The following GK5 variants were observed in gnomAD, a reference collection of about 807,000 sequenced individuals.
GK5 encodes the protein ATP:glycerol 3-phosphotransferase 5.
Under a neutral mutation model 77.3 loss-of-function variants are expected in GK5, and 39 were observed. That is an observed-to-expected ratio of 0.50 (90% CI 0.39 to 0.66). The LOEUF (loss-of-function observed/expected upper bound fraction) is 0.66, where lower values mean the gene tolerates loss of function less well. Ranked by LOEUF, GK5 falls within the 30% of genes least tolerant of loss-of-function variation. GK5 has a pLI of 0.00. For synonymous variants in GK5, 211 were observed against 208.0 expected (o/e 1.01, Z -0.13); for missense variants, 487 against 633.8 (o/e 0.77, Z 2.49).
At chr3:142,185,198 G>A (rs2063752261) in intron 9 of GK5, 1 of 742,306 alleles carries the variant, frequency 1.3e-6, no homozygotes, top group East Asian at 1.3e-4. Context: ...GAAGGCCCCA[G>A]TCTAGGAGTT....
At chr3:142,195,619 T>C (rs552402231) in intron 5 of GK5, among the ~76,000 whole-genome samples, 2 of 152,370 alleles carry the variant, frequency 1.3e-5, no homozygotes, top group African/African-American at 4.8e-5. Context: ...CCCAAAGTGC[T>C]GGGATTACAG....
intron 2 of GK5, 61 bp downstream of exon 2, chr3:142,215,538 A>T: frequency 1.2e-6 from 1 of 836,916 alleles, no homozygotes; most frequent in Non-Finnish European, 1.9e-6. Context: ...CAGAAGCCTG[A>T]GGAAAACTAT....
chr3:142,205,589 C>T (rs1577141196), intron 3 of GK5, among the ~76,000 whole-genome samples: 1 of 152,192 alleles, frequency 6.6e-6, no homozygotes, highest in African/African-American at 2.4e-5. Flanking sequence ...TCCTTAAATA[C>T]CTGGCCTTCC....
chr3:142,172,746 TGAA>T (rs2063555240), intron 12 of GK5, among the ~76,000 whole-genome samples: 1 of 152,164 alleles, frequency 6.6e-6, no homozygotes, highest in Non-Finnish European at 1.5e-5. Flanking sequence ...ATGTGGAAAA[TGAA>T]GAGCAATCAC....
At chr3:142,204,839 G>GA in intron 3 of GK5, 51 bp from the exon 4 acceptor site, 3 of 1,011,040 alleles carry the variant, frequency 3.0e-6, no homozygotes. Flanking sequence ...CAGAGACTAT[G>GA]TTAAAGATGT....
intron 13 of GK5, 85 bp from the exon 14 acceptor site, chr3:142,171,563 T>A: frequency 6.5e-6 from 6 of 919,056 alleles, no homozygotes; most frequent in Non-Finnish European, 9.1e-6. Flanking sequence ...AAATACAAAC[T>A]ATAGTTTTAT....
chr3:142,170,356 C>G lies in GK5; in HGVS notation c.1410G>C (p.Leu470=). 1 of 1,614,082 alleles carries G rather than the reference C, an allele frequency of 6.2e-7. No individual in the cohort carries two copies. The highest frequency in any genetic ancestry group is 1.7e-5 in the Admixed American group (1 of 60,020). Residue 470 remains leucine (L), a synonymous_variant, in exon 15 of 16, where the codon CTG becomes CTC. Coordinates refer to ENST00000392993, the MANE Select transcript of GK5 (RefSeq NM_001039547.3). The stretch of plus-strand genomic sequence containing the variant: ...CAAGGCCAGCTAGAGAAGCTGCACC[C>G]AGGCATGACATGTCAATGTCGGCAG... ...DRPADIDMSC[L]GAASLAGLAV...
chr3:142,214,662 C>T (rs1165489758), intron 2 of GK5, among the ~76,000 whole-genome samples: 1 of 152,106 alleles, frequency 6.6e-6, no homozygotes, highest in African/African-American at 2.4e-5. Context: ...GAGCCTAAGC[C>T]GACTGACAGC....
intron 2 of GK5, 38 bp downstream of exon 2, chr3:142,215,561 A>C (rs555389255): frequency 3.5e-5 from 39 of 1,113,896 alleles, no homozygotes; most frequent in East Asian, 1.0e-4. Flanking sequence ...CAAAAAAAAA[A>C]CCATAAAGAT....
intron 10 of GK5, 46 bp from the exon 11 acceptor site, chr3:142,181,611 C>A: frequency 1.6e-6 from 2 of 1,260,206 alleles, no homozygotes; most frequent in African/African-American, 1.5e-5. Flanking sequence ...ATGCATAATT[C>A]ATTATAGAGA....
At chr3:142,172,227 G>C (rs2063548937) in intron 13 of GK5, 126 bp downstream of exon 13, 1 of 524,022 alleles carries the variant, frequency 1.9e-6, no homozygotes, top group South Asian at 4.0e-5. Context: ...ATAATATATA[G>C]TATCAAATAA....
At chr3:142,207,207 A>G (rs1434289447) in intron 3 of GK5, among the ~76,000 whole-genome samples, 1 of 152,142 alleles carries the variant, frequency 6.6e-6, no homozygotes, top group Non-Finnish European at 1.5e-5. Flanking sequence ...CCTTGTGGAG[A>G]GCCTATAAAC....
intron 1 of GK5, among the ~76,000 whole-genome samples, chr3:142,220,759 G>A (rs972346663): frequency 2.0e-5 from 3 of 152,146 alleles, no homozygotes; most frequent in Non-Finnish European, 4.4e-5. Context: ...GAACATATGA[G>A]TGAACTATGA....
chr3:142,203,904 G>C (rs2064065150), intron 4 of GK5, among the ~76,000 whole-genome samples: 1 of 152,206 alleles, frequency 6.6e-6, no homozygotes, highest in Non-Finnish European at 1.5e-5. Context: ...TCACACTCAG[G>C]AGTGAGGGCA....
intron 3 of GK5, among the ~76,000 whole-genome samples, chr3:142,207,725 C>T (rs1427988206): frequency 6.6e-6 from 1 of 152,076 alleles, no homozygotes; most frequent in Admixed American, 6.6e-5. Flanking sequence ...AGGCGGTGAC[C>T]CCCCTGGACC....
At chr3:142,218,876 T>C (rs114297025) in intron 1 of GK5, among the ~76,000 whole-genome samples, 3,215 of 152,070 alleles carry the variant, frequency 0.021, 41 homozygotes, top group South Asian at 0.036. Context: ...CCAGAATATA[T>C]AAAAAATTTC....
At chr3:142,223,385 A>T (rs1323810017) in intron 1 of GK5, among the ~76,000 whole-genome samples, 1 of 152,244 alleles carries the variant, frequency 6.6e-6, no homozygotes, top group Non-Finnish European at 1.5e-5. Context: ...TTAGAAAGGT[A>T]ATGAGTACCC....
chr3:142,223,721 C>T (rs1322718888), intron 1 of GK5, among the ~76,000 whole-genome samples: 1 of 152,188 alleles, frequency 6.6e-6, no homozygotes, highest in Non-Finnish European at 1.5e-5. Context: ...GCCTGCAATC[C>T]CAGCTACTCA....
chr3:142,184,619 T>G (rs1004783064), intron 9 of GK5: 2 of 152,564 alleles, frequency 1.3e-5, no homozygotes, highest in Admixed American at 6.5e-5. Context: ...TTGGGAGACC[T>G]GAGGTCAGAA....
Sources: allele counts gnomAD v4.1 joint callset (sites outside exome capture counted in the v4.1 genomes callset), GRCh38; gene constraint gnomAD v4.1.1; transcripts MANE v1.5; gene names NCBI Gene and HGNC (gene_info 2026-07-23, HGNC 2026-07-21).